DNAAF5: variants seen among roughly 807,000 people sequenced by gnomAD.
DNAAF5 encodes HEAT repeat containing 2.
Under a neutral mutation model 75.8 loss-of-function variants are expected in DNAAF5, and 64 were observed. That is an observed-to-expected ratio of 0.84 (90% CI 0.69 to 1.04). The LOEUF (loss-of-function observed/expected upper bound fraction) is 1.04. Ranked by LOEUF, DNAAF5 falls within the 50% of genes least tolerant of loss-of-function variation. DNAAF5 has a pLI of 0.00. For synonymous variants in DNAAF5, 657 were observed against 557.2 expected (o/e 1.18, Z -2.52); for missense variants, 1,269 against 1,178.5 (o/e 1.08, Z -1.12).
At chr7:756,757 GT>G in intron 5 of DNAAF5, 24 bp from the exon 6 acceptor site, 12 of 1,608,210 alleles carry the variant, frequency 7.5e-6, no homozygotes, top group Non-Finnish European at 9.4e-6. Flanking sequence ...TTGGCTCTGA[GT>G]TTTCTCATGT....
chr7:777,884 G>C (rs1218419488), intron 11 of DNAAF5, among the ~76,000 whole-genome samples: 1 of 152,170 alleles, frequency 6.6e-6, no homozygotes, highest in Non-Finnish European at 1.5e-5. Flanking sequence ...CGCGGGGCCT[G>C]GAGCGGGCAG....
intron 3 of DNAAF5, among the ~76,000 whole-genome samples, 198 bp downstream of exon 3, chr7:741,141 C>T (rs934454318): frequency 2.6e-5 from 4 of 152,216 alleles, no homozygotes; most frequent in African/African-American, 9.7e-5. Context: ...CTGAGTATAT[C>T]GACAGAGATC....
intron 9 of DNAAF5, among the ~76,000 whole-genome samples, chr7:773,332 C>T (rs370400811): frequency 1.3e-5 from 2 of 152,216 alleles, no homozygotes; most frequent in Admixed American, 6.5e-5. Flanking sequence ...GCTTCACGGA[C>T]GCTGGAGGGC....
Position 756,907 on chromosome 7 carries a change from G to A in DNAAF5, c.1383G>A (p.Arg461=). ...TCCTGGTGCTGGCCTCCGCCATGCG[G>A]GGTTGCCCCCGAGAAGCCCTCCAGC... ...SGLLVLASAM[R]GCPREALQPH... Residue 461 remains arginine (R), a synonymous_variant, in exon 6 of 13, where the codon CGG becomes CGA. Transcript: ENST00000297440. 6.2e-7 allele frequency: 1 copy of A among 1,612,102 alleles called. No homozygotes were observed.
chr7:759,773 C>T (rs878933300), intron 6 of DNAAF5, among the ~76,000 whole-genome samples: 1 of 152,122 alleles, frequency 6.6e-6, no homozygotes, highest in Admixed American at 6.5e-5. Context: ...CAAAGGATGC[C>T]TGATTCCCTG....
chr7:729,722 C>T lies in DNAAF5; in HGVS notation c.655C>T (p.Gln219Ter). 6.2e-7 allele frequency: 1 copy of T among 1,614,146 alleles called. No individual in the cohort carries two copies. Among genetic ancestry groups the T allele is most frequent in the East Asian group, 2.2e-5 (1 of 44,888 alleles). The change falls in exon 2 of 13, where the codon CAG (glutamine) becomes TAG (stop). Residue 219 changes from glutamine to a stop codon, truncating the protein, a stop_gained. Coordinates refer to ENST00000297440, the MANE Select transcript of DNAAF5 (RefSeq NM_017802.4). LOFTEE classifies it high-confidence loss of function. The part of the protein sequence containing the change: ...IGPLMQTISH[Q>*]HWKVRVAAIE... ...GCCCCTGATGCAGACCATCTCCCAC[C>T]AGCACTGGAAGGTCCGTGTGGCCGC...
At chr7:776,817 CCT>C (rs1224681980) in intron 11 of DNAAF5, among the ~76,000 whole-genome samples, 7 of 152,214 alleles carry the variant, frequency 4.6e-5, no homozygotes, top group African/African-American at 1.7e-4. Flanking sequence ...CTGTCCGGGT[CCT>C]GTTAGGAACC....
At chr7:729,582 C>T in intron 1 of DNAAF5, 81 bp from the exon 2 acceptor site, 1 of 1,378,592 alleles carries the variant, frequency 7.3e-7, no homozygotes, top group East Asian at 2.5e-5. Flanking sequence ...CATAGGCAGG[C>T]AGCCGTCCTC....
intron 1 of DNAAF5, 184 bp downstream of exon 1, chr7:727,499 C>T (rs1487262571): frequency 2.0e-5 from 6 of 295,476 alleles, no homozygotes; most frequent in Non-Finnish European, 2.9e-5. Context: ...CCCCGCCCGG[C>T]CCCCTCCTCC....
Position 785,863 on chromosome 7 carries a change from G to T in DNAAF5, c.*210G>T, listed in dbSNP as rs1779130248. On this transcript the variant is annotated 3_prime_UTR_variant, in exon 13 of 13. Transcript: ENST00000297440. ...GTGATTTGTTCTGTTCATCGAGAGG[G>T]CTCCCAAACATCTGCAGCTGATTTG... 1.9e-6 allele frequency: 1 copy of T among 538,366 alleles called. No individual in the cohort carries two copies. Among genetic ancestry groups the T allele is most frequent in the Non-Finnish European group, 3.2e-6 (1 of 315,112 alleles). 33.3% of individuals were successfully genotyped at this position (538,366 alleles called of 1,614,324 possible).
chr7:728,121 T>G (rs928147044), intron 1 of DNAAF5, among the ~76,000 whole-genome samples: 18 of 152,124 alleles, frequency 1.2e-4, no homozygotes, highest in African/African-American at 4.3e-4. Flanking sequence ...TTCCCCATCT[T>G]TTTTAGAGCT....
intron 2 of DNAAF5, among the ~76,000 whole-genome samples, chr7:732,350 A>C (rs2128070126): frequency 6.6e-6 from 1 of 152,366 alleles, no homozygotes; most frequent in East Asian, 1.9e-4. Flanking sequence ...GTTGTGAAGC[A>C]GGCCTTGAAC....
At chr7:785,464 GAT>G in intron 12 of DNAAF5, 51 bp from the exon 13 acceptor site, 13 of 1,594,736 alleles carry the variant, frequency 8.2e-6, no homozygotes, top group Non-Finnish European at 1.1e-5. Context: ...CGAGAGGTAA[GAT>G]TGGTTTCATG....
chr7:740,889 A>G lies in DNAAF5; in HGVS notation c.851A>G (p.His284Arg), dbSNP rs575955381. The change falls in exon 3 of 13, where the codon CAC becomes CGC. Residue 284 changes from histidine (H) to arginine (R), a missense_variant. His to Arg is a conservative substitution (Grantham distance 29, BLOSUM62 0). Coordinates refer to ENST00000297440, the MANE Select transcript of DNAAF5 (RefSeq NM_017802.4). ...CTGCGTGACCGTTACTCCTTCTTCC[A>G]CAAGCTCATCCCTCTGCTGCTCAGT... ...LCLRDRYSFF[H>R]KLIPLLLSSL... The G allele has an allele frequency of 6.2e-7, 1 of 1,613,916 alleles. No individual in the cohort carries two copies. The highest frequency in any genetic ancestry group is 8.5e-7 in the Non-Finnish European group (1 of 1,180,010).
intron 5 of DNAAF5, among the ~76,000 whole-genome samples, chr7:755,733 A>G (rs987447941): frequency 1.3e-5 from 2 of 152,216 alleles, no homozygotes; most frequent in African/African-American, 4.8e-5. Flanking sequence ...GCTGTCTCAG[A>G]TAAAACAAAA....
In DNAAF5 at chr7:729,647, C is replaced by A. The variant is rs1335920404; in HGVS notation, c.596-16C>A. ...TGGGAGCAGCTCTGGTAACTGGGGG[C>A]CTCCCTGTCCCTCAGACCACTTCCA... is the stretch of plus-strand genomic sequence containing the variant. On this transcript the variant is annotated splice_polypyrimidine_tract_variant and intron_variant, in intron 1 of 12. Transcript: ENST00000297440. 1.2e-6 allele frequency: 2 copies of A among 1,607,832 alleles called. No homozygotes were observed. The highest frequency in any genetic ancestry group is 1.7e-6 in the Non-Finnish European group (2 of 1,176,052).
chr7:776,257 A>C (rs1778757954), intron 11 of DNAAF5, among the ~76,000 whole-genome samples: 1 of 152,044 alleles, frequency 6.6e-6, no homozygotes, highest in African/African-American at 2.4e-5. Context: ...AATCGCTTCA[A>C]CTCAGGAGGT....
intron 2 of DNAAF5, among the ~76,000 whole-genome samples, chr7:735,496 A>G (rs371151696): frequency 1.0e-4 from 15 of 146,544 alleles, no homozygotes; most frequent in African/African-American, 3.8e-4. Flanking sequence ...GTCGTTGCTC[A>G]TATTGTAGTT....
At chr7:744,234 T>C (rs939109969) in intron 4 of DNAAF5, among the ~76,000 whole-genome samples, 2 of 152,200 alleles carry the variant, frequency 1.3e-5, no homozygotes, top group African/African-American at 2.4e-5. Flanking sequence ...ATGATGATTT[T>C]GAATTTCATC....
Sources: allele counts gnomAD v4.1 joint callset (sites outside exome capture counted in the v4.1 genomes callset), GRCh38; gene constraint gnomAD v4.1.1; transcripts MANE v1.5; gene names NCBI Gene and HGNC (gene_info 2026-07-23, HGNC 2026-07-21).